LIG1: variants seen among roughly 807,000 people sequenced by gnomAD.
The protein encoded by LIG1 is DNA ligase 1, also known as ligase I, DNA, ATP-dependent.
Under a neutral mutation model 115.7 loss-of-function variants are expected in LIG1, and 70 were observed. The ratio of observed to expected loss-of-function variants is 0.60; its 90% CI spans 0.50 to 0.74. LIG1 has a LOEUF of 0.74. LIG1 is among the 30% of genes least tolerant of loss of function. The pLI, the probability that LIG1 is intolerant of heterozygous loss-of-function variation, is 0.00. For missense variants in LIG1, 1,115 were observed against 1,225.6 expected, an observed-to-expected ratio of 0.91 and a Z score of 1.35; for synonymous variants, 487 against 495.3, an observed-to-expected ratio of 0.98 and a Z score of 0.22.
chr19:48,164,926 A>T (rs2036396465), intron 2 of LIG1, among the ~76,000 whole-genome samples: 1 of 152,210 alleles, frequency 6.6e-6, no homozygotes. Context: ...CTAGATGCCA[A>T]TGGCAAACCC....
intron 9 of LIG1, among the ~76,000 whole-genome samples, chr19:48,148,558 A>C (rs1183830828): frequency 6.6e-6 from 1 of 151,774 alleles, no homozygotes; most frequent in African/African-American, 2.4e-5. Flanking sequence ...TGCAGATGCC[A>C]GGAGGCTGCA....
At position 48,170,265 on chromosome 19, in the gene LIG1, G is replaced by A. The variant is rs1474948221; in HGVS notation, c.-82C>T. 2.2e-6 allele frequency: 1 copy of A among 455,304 alleles called. No individual in the cohort carries two copies. The highest frequency in any genetic ancestry group is 1.6e-5 in the South Asian group (1 of 64,512). 28.2% of individuals were successfully genotyped at this position (455,304 alleles called of 1,614,324 possible). On this transcript the variant is annotated 5_prime_UTR_variant, in exon 1 of 28. An upstream open reading frame in the 5' UTR gains an earlier in-frame stop. Transcript: ENST00000263274. ...CCTTGCGTTGGTCCCGCGCGCCGCT[G>A]CCCGGGCAACACACTCAGATCCGCC...
chr19:48,121,965 G>A (rs575175322), intron 23 of LIG1, among the ~76,000 whole-genome samples: 5 of 152,282 alleles, frequency 3.3e-5, no homozygotes, highest in Middle Eastern at 3.4e-3. Context: ...GTTCAGAAAC[G>A]TTCACTAAGT....
At position 48,128,005 on chromosome 19, in the gene LIG1, C is replaced by A; in HGVS notation, c.1837G>T (p.Val613Phe). 6.2e-7 allele frequency: 1 copy of A among 1,613,994 alleles called. No individual in the cohort carries two copies. The highest frequency in any genetic ancestry group is 1.1e-5 in the South Asian group (1 of 91,076). The change falls in exon 20 of 28, where the codon GTC becomes TTC. Residue 613 changes from valine (V) to phenylalanine (F), a missense_variant. Val to Phe is a conservative substitution (Grantham distance 50). Transcript: ENST00000263274. ...TCGGTGTCCAGGATGAAGGATGTGACCGATGGGAGTTTAATCTGAAAAGTG... is the reference window on the plus strand; with the variant it reads ...TCGGTGTCCAGGATGAAGGATGTGAACGATGGGAGTTTAATCTGAAAAGTG... ...SRIPKIKLPS[V>F]TSFILDTEAV...
intron 18 of LIG1, 47 bp from the exon 19 acceptor site, chr19:48,131,218 G>A: frequency 6.9e-7 from 1 of 1,448,570 alleles, no homozygotes; most frequent in South Asian, 1.1e-5. Context: ...GTCCCCTCAT[G>A]TGGCCTCAGC....
chr19:48,137,568 C>T lies in LIG1; in HGVS notation c.1208G>A (p.Gly403Glu), dbSNP rs1194439291. 1 of 1,613,504 alleles carries T rather than the reference C, an allele frequency of 6.2e-7. No homozygotes were observed. ...GATGTCGCGGAACTTGCTGAAGACC[C>T]CGGAGGCAGTGAGCGGAGGTGGTGG... The part of the protein sequence containing the change: ...MLPPPPLTAS[G>E]VFSKFRDIAR... Residue 403 changes from glycine to glutamate, a missense_variant, in exon 13 of 28, where the codon GGG (glycine) becomes GAG (glutamate). Coordinates refer to ENST00000263274, the MANE Select transcript of LIG1 (RefSeq NM_000234.3). This position sits in a 1 kb window ranked among gnomAD's most constrained non-coding sequence, Gnocchi z 4.3.
intron 19 of LIG1, among the ~76,000 whole-genome samples, chr19:48,128,347 T>G (rs922773921): frequency 6.6e-6 from 1 of 152,096 alleles, no homozygotes; most frequent in Non-Finnish European, 1.5e-5. Context: ...CAGCCTCGCC[T>G]ACTGGGCTTC....
rs532573217 is a variant in LIG1, at chr19:48,122,038, G to C, written c.2233-716C>G. On this transcript the variant is annotated intron_variant, in intron 23 of 27. Transcript: ENST00000263274. The surrounding 1 kb of genome is among the most constrained non-coding windows in gnomAD (Gnocchi z 4.3). Reference sequence around the variant, plus strand: ...CACAACAGTGCTATTTCCTGAGACAGGAAAGGTCTGTGCTGGAGGGAAACC... The same window carrying C: ...CACAACAGTGCTATTTCCTGAGACACGAAAGGTCTGTGCTGGAGGGAAACC... Among the ~76,000 whole-genome samples the C allele has an allele frequency of 2.0e-5, 3 of 152,322 alleles. No homozygotes were observed. Among genetic ancestry groups the C allele is most frequent in the African/African-American group, 7.2e-5 (3 of 41,578 alleles).
In LIG1 at chr19:48,137,185, C is replaced by T; in HGVS notation, c.1255-101G>A. 1 of 985,750 alleles carries T rather than the reference C, an allele frequency of 1.0e-6. No homozygotes were observed. 61.1% of individuals were successfully genotyped at this position (985,750 alleles called of 1,614,324 possible). A position where few individuals can be genotyped will look rare whatever the true frequency, so the allele number is the denominator to read the frequency against. ...TGCCCTGCATTTTGGAATACCTGCC[C>T]TCCTTCCCTCACCCCATCCCCATGT... On this transcript the variant is annotated intron_variant, in intron 13 of 27. Coordinates refer to ENST00000263274, the MANE Select transcript of LIG1 (RefSeq NM_000234.3). This position sits in a 1 kb window ranked among gnomAD's most constrained non-coding sequence, Gnocchi z 4.3.
In LIG1 at chr19:48,115,536, G is replaced by A. The variant is rs865939482; in HGVS notation, c.*113C>T. On this transcript the variant is annotated 3_prime_UTR_variant, in exon 28 of 28. Coordinates refer to ENST00000263274, the MANE Select transcript of LIG1 (RefSeq NM_000234.3). Reference sequence around the variant, plus strand: ...CCCCTCACACACACACCCCTCCCCTGACTCTCAAAATCCACAGCCTGCCAC... The same window carrying A: ...CCCCTCACACACACACCCCTCCCCTAACTCTCAAAATCCACAGCCTGCCAC... The A allele has an allele frequency of 1.9e-5, 15 of 781,982 alleles. No individual in the cohort carries two copies. In the Middle Eastern group the frequency reaches 1.5e-3, roughly 79 times the overall value. The allele number at this position is 781,982 out of a possible 1,614,324, so 48.4% of individuals were successfully genotyped here. A position where few individuals can be genotyped will look rare whatever the true frequency, so the allele number is the denominator to read the frequency against.
At chr19:48,146,073 G>C (rs1481237493) in intron 9 of LIG1, 1 of 152,288 alleles carries the variant, frequency 6.6e-6, no homozygotes, top group Non-Finnish European at 1.5e-5. Context: ...GGGAAGAGTG[G>C]GTGGAAGAAC....
intron 19 of LIG1, 66 bp from the exon 20 acceptor site, chr19:48,128,086 G>C (rs1264888448): frequency 1.6e-6 from 2 of 1,259,240 alleles, no homozygotes; most frequent in Non-Finnish European, 2.3e-6. Context: ...AGACAAACAC[G>C]GGGAGATAAA....
rs1555783524 is a variant in LIG1 at position 48,165,709 on chromosome 19, G to GAAAGA, written c.-57-87_-57-86insTCTTT. ...TAAAACCCTTTCTTTAAGAAAGAAA[G>GAAAGA]AAAAAAAAAAACAGAAACATGAATT... is the stretch of plus-strand genomic sequence containing the variant. On this transcript the variant is annotated intron_variant, in intron 1 of 27. Transcript: ENST00000263274. The GAAAGA allele has an allele frequency of 1.0e-3, 788 of 785,862 alleles. 1 individual carries two copies. The highest frequency in any genetic ancestry group is 1.2e-3 in the Non-Finnish European group (603 of 485,450). The allele number at this position is 785,862 out of a possible 1,614,324, so 48.7% of individuals were successfully genotyped here. A position where few individuals can be genotyped will look rare whatever the true frequency, so the allele number is the denominator to read the frequency against.
At chr19:48,147,033 A>T (rs906347510) in intron 9 of LIG1, among the ~76,000 whole-genome samples, 2 of 152,326 alleles carry the variant, frequency 1.3e-5, no homozygotes, top group African/African-American at 4.8e-5. Context: ...TAAGGTCTCA[A>T]TTGGGGGTAC....
intron 17 of LIG1, 135 bp downstream of exon 17, chr19:48,133,846 G>A: frequency 1.4e-6 from 1 of 734,864 alleles, no homozygotes; most frequent in South Asian, 1.5e-5. Context: ...TTCAGCACCA[G>A]GGAGGAGCAT....
At chr19:48,132,340 C>T (rs930751783) in intron 18 of LIG1, among the ~76,000 whole-genome samples, 9 of 152,068 alleles carry the variant, frequency 5.9e-5, no homozygotes, top group Non-Finnish European at 8.8e-5. Context: ...ATGCACGTCA[C>T]GGCATGAAGG....
At position 48,162,261 on chromosome 19, in the gene LIG1, C is replaced by T; in HGVS notation, c.107+1G>A. On this transcript the variant is annotated splice_donor_variant, in intron 3 of 27. Coordinates refer to ENST00000263274, the MANE Select transcript of LIG1 (RefSeq NM_000234.3). LOFTEE classifies it high-confidence loss of function. The stretch of plus-strand genomic sequence containing the variant: ...CACCATATCCCAGCCCTGTGACATA[C>T]TTTGGAGGGGGCTCCGTCTCTCTGC... 2 of 1,612,340 alleles carry T rather than the reference C, an allele frequency of 1.2e-6. No individual in the cohort carries two copies. The highest frequency in any genetic ancestry group is 2.2e-5 in the South Asian group (2 of 91,048).
chr19:48,143,967 C>G lies in LIG1; in HGVS notation c.777-4G>C. On this transcript the variant is annotated splice_region_variant and splice_polypyrimidine_tract_variant and intron_variant, in intron 9 of 27. Coordinates refer to ENST00000263274, the MANE Select transcript of LIG1 (RefSeq NM_000234.3). ...GTAACCAGATGGATCCAGGGGTCTA[C>G]GGAGGCAAAACGGAGATTGAATTGC... 1.2e-6 allele frequency: 2 copies of G among 1,611,860 alleles called. No individual in the cohort carries two copies.
intron 4 of LIG1, 82 bp downstream of exon 4, chr19:48,161,290 T>C (rs891463595): frequency 1.3e-6 from 2 of 1,586,952 alleles, no homozygotes; most frequent in Non-Finnish European, 1.7e-6. Context: ...AGAATTCTCC[T>C]GAACAGCTGC....
Sources: allele counts gnomAD v4.1 joint callset (sites outside exome capture counted in the v4.1 genomes callset), GRCh38; gene constraint gnomAD v4.1.1; non-coding constraint Gnocchi (gnomAD v3.1); transcripts MANE v1.5; gene names NCBI Gene and HGNC (gene_info 2026-07-23, HGNC 2026-07-21).